Variants in RAB38 observed in about 807,000 individuals in gnomAD.
The protein encoded by RAB38 is ras-related protein Rab-38.
A neutral mutation model predicts 18.4 loss-of-function variants in RAB38; 15 were observed. The ratio of observed to expected loss-of-function variants is 0.82; its 90% CI spans 0.55 to 1.26. The LOEUF is 1.26. Among genes scored for constraint, RAB38 ranks in the 50% most tolerant of loss-of-function variants. The pLI is 0.00. For synonymous variants in RAB38, 101 were observed against 104.4 expected (o/e 0.97, Z 0.20); for missense variants, 294 against 267.4 (o/e 1.10, Z -0.69).
chr11:88,165,487 C>A (rs896941013), intron 1 of RAB38: 2 of 152,048 alleles, frequency 1.3e-5, no homozygotes, highest in Non-Finnish European at 2.9e-5. Context: ...CCATTTATAG[C>A]ATGTTATAGG....
the RAB38 span, among the ~76,000 whole-genome samples, chr11:88,105,668 C>G: frequency 1.3e-5 from 2 of 152,214 alleles, no homozygotes; most frequent in South Asian, 4.1e-4. Flanking sequence ...CCTACAAGCC[C>G]CTTTTCTAAA....
intron 2 of RAB38, among the ~76,000 whole-genome samples, chr11:88,130,615 C>T (rs955830708): frequency 6.6e-6 from 1 of 152,144 alleles, no homozygotes; most frequent in Non-Finnish European, 1.5e-5. Context: ...TAGTATAATG[C>T]CCCTCTTAAT....
At chr11:87,856,678 G>A in the RAB38 span, among the ~76,000 whole-genome samples, 2 of 152,042 alleles carry the variant, frequency 1.3e-5, no homozygotes, top group African/African-American at 4.8e-5. Flanking sequence ...CGTAGCTTGA[G>A]AACCACTGCT....
At chr11:87,882,059 C>G in the RAB38 span, among the ~76,000 whole-genome samples, 1 of 151,880 alleles carries the variant, frequency 6.6e-6, no homozygotes, top group African/African-American at 2.4e-5. Flanking sequence ...TAGCTCCTTA[C>G]CGGTCCCCCA....
chr11:87,977,833 A>ATT, the RAB38 span, among the ~76,000 whole-genome samples: 1 of 108,864 alleles, frequency 9.2e-6, no homozygotes, highest in African/African-American at 3.6e-5. Context: ...GTTCCTATAT[A>ATT]ATCATGTATA....
At chr11:88,138,778 CT>C (rs1181653181) in intron 2 of RAB38, among the ~76,000 whole-genome samples, 8 of 60,214 alleles carry the variant, frequency 1.3e-4, no homozygotes, top group South Asian at 4.9e-4. Flanking sequence ...TATTATTATT[CT>C]TTTTTTTTTA....
chr11:87,942,622 A>T, the RAB38 span, among the ~76,000 whole-genome samples: 175 of 152,218 alleles, frequency 1.1e-3, no homozygotes, highest in South Asian at 9.3e-3. Context: ...TGGTATGTGG[A>T]GCTGAAATTC....
the RAB38 span, among the ~76,000 whole-genome samples, chr11:87,846,842 C>A: frequency 3.9e-5 from 6 of 152,096 alleles, no homozygotes; most frequent in Admixed American, 3.3e-4. Flanking sequence ...AGTGCATTCT[C>A]TCATCAGGGG....
chr11:87,948,535 T>C, the RAB38 span, among the ~76,000 whole-genome samples: 1 of 152,046 alleles, frequency 6.6e-6, no homozygotes. Context: ...TGTGGGTTTG[T>C]CATAGATAGC....
chr11:87,877,494 G>A, the RAB38 span, among the ~76,000 whole-genome samples: 1 of 151,354 alleles, frequency 6.6e-6, no homozygotes, highest in Non-Finnish European at 1.5e-5. Flanking sequence ...TCTGACTCCT[G>A]TTCATCCATG....
chr11:87,882,463 A>G, the RAB38 span, among the ~76,000 whole-genome samples: 1 of 152,042 alleles, frequency 6.6e-6, no homozygotes, highest in South Asian at 2.1e-4. Flanking sequence ...AGATGATTCT[A>G]GGACTATCAA....
chr11:88,074,066 G>A, the RAB38 span, among the ~76,000 whole-genome samples: 5 of 149,718 alleles, frequency 3.3e-5, no homozygotes, highest in East Asian at 2.0e-4. Flanking sequence ...AAAAATCTAA[G>A]AATTACTGGT....
the RAB38 span, among the ~76,000 whole-genome samples, chr11:87,964,804 A>G: frequency 2.0e-4 from 31 of 152,312 alleles, no homozygotes; most frequent in African/African-American, 7.0e-4. Context: ...TTCAGATTAC[A>G]AAAACATATG....
At chr11:87,929,355 C>T in the RAB38 span, among the ~76,000 whole-genome samples, 1 of 147,712 alleles carries the variant, frequency 6.8e-6, no homozygotes, top group Admixed American at 6.8e-5. Flanking sequence ...TATCTCATTC[C>T]TTTTTTTTTT....
At chr11:87,916,228 G>A in the RAB38 span, among the ~76,000 whole-genome samples, 1 of 152,050 alleles carries the variant, frequency 6.6e-6, no homozygotes, top group Admixed American at 6.6e-5. Context: ...GGGGCCAGGA[G>A]TGGAATGCAC....
At chr11:87,902,663 CTATT>C in the RAB38 span, among the ~76,000 whole-genome samples, 1 of 151,504 alleles carries the variant, frequency 6.6e-6, no homozygotes, top group East Asian at 2.0e-4. Context: ...GCGTATCTTA[CTATT>C]TATTTAGGTT....
intron 2 of RAB38, among the ~76,000 whole-genome samples, chr11:88,137,685 A>G (rs1942853615): frequency 6.6e-6 from 1 of 152,198 alleles, no homozygotes; most frequent in African/African-American, 2.4e-5. Context: ...TGAGTTTGTA[A>G]GTTGAAAGAG....
At chr11:87,956,993 T>C in the RAB38 span, among the ~76,000 whole-genome samples, 3 of 140,076 alleles carry the variant, frequency 2.1e-5, no homozygotes, top group Non-Finnish European at 3.2e-5. Flanking sequence ...TGGGGGGGGG[T>C]CCTTGAGTCC....
At chr11:87,956,381 T>C in the RAB38 span, among the ~76,000 whole-genome samples, 62 of 152,282 alleles carry the variant, frequency 4.1e-4, no homozygotes, top group Non-Finnish European at 7.1e-4. Flanking sequence ...GTCATCTGCA[T>C]TGGAGACCAC....
Sources: gnomAD v4.1 joint callset for allele counts (sites outside exome capture counted in the v4.1 genomes callset) on GRCh38, gnomAD v4.1.1 for gene constraint, MANE v1.5 for transcripts, NCBI Gene and HGNC (gene_info 2026-07-23, HGNC 2026-07-21) for gene names.